Variants in PRMT8 observed in about 807,000 individuals in gnomAD.
PRMT8 encodes the protein protein arginine N-methyltransferase 8.
PRMT8 carries 7 observed loss-of-function variants against 47.1 expected under a neutral mutation model. The observed-to-expected ratio is 0.15, with a 90% CI of 0.08 to 0.28. PRMT8 has a LOEUF of 0.28. PRMT8 is among the 10% of genes least tolerant of loss of function. The pLI, the probability that PRMT8 is intolerant of heterozygous loss-of-function variation, is 1.00. For synonymous variants in PRMT8, 188 were observed against 186.5 expected (o/e 1.01, Z -0.07); for missense variants, 237 against 505.4 (o/e 0.47, Z 5.09).
chr12:3,541,706 C>T (rs1032755660), intron 2 of PRMT8, among the ~76,000 whole-genome samples: 4 of 152,226 alleles, frequency 2.6e-5, no homozygotes, highest in South Asian at 2.1e-4. Flanking sequence ...GAAATGATGA[C>T]CCTGCCATTG....
rs564470591 is a variant in PRMT8 at position 3,576,263 on chromosome 12, C to T, written c.713-608C>T. On this transcript the variant is annotated intron_variant, in intron 6 of 9. Transcript: ENST00000382622. The surrounding 1 kb of genome is among the most constrained non-coding windows in gnomAD (Gnocchi z 4.0). ...AGGCAGAGATGCTCCTGGACCCACCCAGGTGAGAAAACTGAGGTTCAGAGA... is the reference window on the plus strand; with the variant it reads ...AGGCAGAGATGCTCCTGGACCCACCTAGGTGAGAAAACTGAGGTTCAGAGA... Among the ~76,000 whole-genome samples the T allele has an allele frequency of 7.9e-5, 12 of 152,310 alleles. No individual in the cohort carries two copies. The highest frequency in any genetic ancestry group is 2.9e-4 in the African/African-American group (12 of 41,568).
At chr12:3,543,577 C>T (rs1325070556) in intron 2 of PRMT8, among the ~76,000 whole-genome samples, 3 of 152,162 alleles carry the variant, frequency 2.0e-5, no homozygotes, top group African/African-American at 7.2e-5. Context: ...GTTGAGGAAA[C>T]GTGGTGCGGA....
At chr12:3,423,147 C>T (rs548339026) in intron 1 of PRMT8, among the ~76,000 whole-genome samples, 2 of 152,352 alleles carry the variant, frequency 1.3e-5, no homozygotes, top group South Asian at 4.1e-4. Flanking sequence ...TGCACAGGCA[C>T]ATGTGCCAAT....
At chr12:3,528,881 A>G (rs921670030) in intron 1 of PRMT8, among the ~76,000 whole-genome samples, 2 of 152,176 alleles carry the variant, frequency 1.3e-5, no homozygotes, top group African/African-American at 2.4e-5. Flanking sequence ...ATTTTCCACT[A>G]TTCAGGGGAA....
intron 3 of PRMT8, chr12:3,553,277 G>T: frequency 3.5e-6 from 1 of 283,994 alleles, no homozygotes. Context: ...AGGGAGGCTC[G>T]CAACTCTGGC....
rs1209604047 is a variant in PRMT8 at position 3,493,282 on chromosome 12, C to G, written c.75+1582C>G. 6.6e-6 allele frequency among the ~76,000 whole-genome samples: 1 copy of G among 151,864 alleles called. No homozygotes were observed. Among genetic ancestry groups the G allele is most frequent in the Non-Finnish European group, 1.5e-5 (1 of 67,948 alleles). ...TGTGTAGTGCGAGGCGGCTAGCCTC[C>G]CAGCAGAAAGCCATCCTTACCATTC... On this transcript the variant is annotated intron_variant, in intron 1 of 9. Coordinates refer to ENST00000382622, the MANE Select transcript of PRMT8 (RefSeq NM_019854.5). The surrounding 1 kb of genome is among the most constrained non-coding windows in gnomAD (Gnocchi z 8.2).
In PRMT8 at chr12:3,410,612, G is replaced by A. The variant is rs185140610; in HGVS notation, c.48+29170G>A. 4.2e-3 allele frequency among the ~76,000 whole-genome samples: 642 copies of A among 152,282 alleles called. 3 individuals carry two copies. The highest frequency in any genetic ancestry group is 6.8e-3 in the Middle Eastern group (2 of 294). On this transcript the variant is annotated intron_variant, in intron 1 of 9. Transcript: ENST00000452611. ...CAACCTCCGTCTACTGGATTCAAGCGATTCTGCTGCCTCAGCCTCCCACAC... is the reference window on the plus strand; with the variant it reads ...CAACCTCCGTCTACTGGATTCAAGCAATTCTGCTGCCTCAGCCTCCCACAC...
At chr12:3,532,654 T>G (rs1374774545) in intron 1 of PRMT8, among the ~76,000 whole-genome samples, 1 of 149,708 alleles carries the variant, frequency 6.7e-6, no homozygotes, top group East Asian at 2.0e-4. Context: ...GCTCTCTCTT[T>G]AGCTTATCTG....
At chr12:3,490,548 G>C (rs1450438593), upstream of PRMT8, among the ~76,000 whole-genome samples, 2 of 110,682 alleles carry the variant, frequency 1.8e-5, no homozygotes, top group Admixed American at 8.4e-5. Flanking sequence ...GACTGGAGTG[G>C]GGGGGGGGGC....
At chr12:3,465,443 A>G (rs983686380) in intron 1 of PRMT8, among the ~76,000 whole-genome samples, 1 of 151,912 alleles carries the variant, frequency 6.6e-6, no homozygotes, top group Non-Finnish European at 1.5e-5. Flanking sequence ...TTTGCTCCAA[A>G]TTCCTTTTCT....
chr12:3,432,995 A>G (rs898959763), intron 1 of PRMT8, among the ~76,000 whole-genome samples: 4 of 152,226 alleles, frequency 2.6e-5, no homozygotes, highest in Non-Finnish European at 4.4e-5. Context: ...TTGCTGATTT[A>G]CAGAGTATGT....
chr12:3,491,296 G>A lies in PRMT8; in HGVS notation c.-330G>A. 21 of 1,058,078 alleles carry A rather than the reference G, an allele frequency of 2.0e-5. No individual in the cohort carries two copies. The highest frequency in any genetic ancestry group is 4.3e-4 in the Middle Eastern group (1 of 2,330). 65.5% of individuals were successfully genotyped at this position (1,058,078 alleles called of 1,614,324 possible). ...AGCAGCCTGGAGAGGATCCGCGACC[G>A]CCGCCGCCGCCGCCGCGGAGGCTTC... is the stretch of plus-strand genomic sequence containing the variant. On this transcript the variant is annotated 5_prime_UTR_variant, in exon 1 of 10. Transcript: ENST00000382622.
chr12:3,497,970 C>G (rs748627204), intron 1 of PRMT8, among the ~76,000 whole-genome samples: 1 of 152,146 alleles, frequency 6.6e-6, no homozygotes, highest in Non-Finnish European at 1.5e-5. Context: ...CTCTTTATAC[C>G]TCCTTTAAAC....
chr12:3,386,601 C>T (rs549852678), intron 1 of PRMT8, among the ~76,000 whole-genome samples: 6 of 152,134 alleles, frequency 3.9e-5, no homozygotes, highest in African/African-American at 1.2e-4. Context: ...CTTAGCTATT[C>T]GTTCGTTCAA....
At chr12:3,391,738 A>G (rs907727504) in intron 1 of PRMT8, among the ~76,000 whole-genome samples, 2 of 152,182 alleles carry the variant, frequency 1.3e-5, no homozygotes, top group Non-Finnish European at 2.9e-5. Context: ...GACCATGTAT[A>G]TATTCCCAGT....
intron 1 of PRMT8, among the ~76,000 whole-genome samples, chr12:3,395,848 A>C (rs1864243511): frequency 6.6e-6 from 1 of 152,042 alleles, no homozygotes; most frequent in African/African-American, 2.4e-5. Context: ...TGGGAGTCTA[A>C]GTCTCCTTGT....
rs11062729 is a variant in PRMT8 at position 3,576,100 on chromosome 12, C to A, written c.713-771C>A. ...TTTCTCACCAACCCCCTAGATCTTTCTCCCTCCCATACAAAGTATCTTATG... is the reference window on the plus strand; with the variant it reads ...TTTCTCACCAACCCCCTAGATCTTTATCCCTCCCATACAAAGTATCTTATG... On this transcript the variant is annotated intron_variant, in intron 6 of 9. Coordinates refer to ENST00000382622, the MANE Select transcript of PRMT8 (RefSeq NM_019854.5). This position sits in a 1 kb window ranked among gnomAD's most constrained non-coding sequence, Gnocchi z 4.0. Among the ~76,000 whole-genome samples, 2,173 of 152,320 alleles carry A rather than the reference C, an allele frequency of 0.014. 37 individuals are homozygous for A. Among genetic ancestry groups the A allele is most frequent in the Non-Finnish European group, 0.015 (987 of 68,030 alleles).
At chr12:3,587,290 AGAAT>A (rs1351367912) in intron 8 of PRMT8, among the ~76,000 whole-genome samples, 1 of 149,946 alleles carries the variant, frequency 6.7e-6, no homozygotes, top group Non-Finnish European at 1.5e-5. Flanking sequence ...AATAGTAACT[AGAAT>A]GAATTAATAA....
Position 3,550,289 on chromosome 12 carries a change from C to A in PRMT8, c.417+198C>A. On this transcript the variant is annotated intron_variant, in intron 3 of 9. Coordinates refer to ENST00000382622, the MANE Select transcript of PRMT8 (RefSeq NM_019854.5). The surrounding 1 kb of genome is among the most constrained non-coding windows in gnomAD (Gnocchi z 5.1). ...TGTCCCCTGTGCATGGCTCCTGGAT[C>A]CTTACAACCACTGACATTTGCGGAG... 1 of 581,672 alleles carries A rather than the reference C, an allele frequency of 1.7e-6. No individual in the cohort carries two copies. Among genetic ancestry groups the A allele is most frequent in the Non-Finnish European group, 3.0e-6 (1 of 335,794 alleles). The allele number at this position is 581,672 out of a possible 1,614,324, so 36.0% of individuals were successfully genotyped here.
Sources: gnomAD v4.1 joint callset for allele counts (sites outside exome capture counted in the v4.1 genomes callset) on GRCh38, gnomAD v4.1.1 for gene constraint, Gnocchi (gnomAD v3.1) non-coding constraint, MANE v1.5 for transcripts, NCBI Gene and HGNC (gene_info 2026-07-23, HGNC 2026-07-21) for gene names.